Variants in EFCAB7 observed in about 807,000 individuals in gnomAD.
The protein encoded by EFCAB7 is EF-hand calcium binding domain 7, also known as EF-hand calcium-binding domain-containing protein 7.
A neutral mutation model predicts 77.1 loss-of-function variants in EFCAB7; 66 were observed. The ratio of observed to expected loss-of-function variants is 0.86; its 90% CI spans 0.70 to 1.05. The LOEUF (loss-of-function observed/expected upper bound fraction) is 1.05. EFCAB7 is among the 50% of genes least tolerant of loss of function. The pLI, the probability that EFCAB7 is intolerant of heterozygous loss-of-function variation, is 0.00. For missense variants in EFCAB7, 638 were observed against 730.5 expected, an observed-to-expected ratio of 0.87 and a Z score of 1.46; for synonymous variants, 225 against 243.3, an observed-to-expected ratio of 0.92 and a Z score of 0.70.
chr1:63,552,736 A>G (rs1232104974), intron 8 of EFCAB7, among the ~76,000 whole-genome samples: 1 of 152,204 alleles, frequency 6.6e-6, no homozygotes, highest in East Asian at 1.9e-4. Flanking sequence ...TTACTACAGT[A>G]TCATATTTAA....
At chr1:63,568,121 T>C (rs577516880) in intron 11 of EFCAB7, among the ~76,000 whole-genome samples, 189 bp from the exon 12 acceptor site, 1 of 152,308 alleles carries the variant, frequency 6.6e-6, no homozygotes, top group Non-Finnish European at 1.5e-5. Context: ...CATTATCAGT[T>C]AATATGCTAC....
intron 7 of EFCAB7, chr1:63,549,366 T>G (rs748232350): frequency 1.1e-4 from 54 of 470,536 alleles, no homozygotes; most frequent in African/African-American, 1.0e-3. Context: ...AATTCTGCTT[T>G]TACCAAGGTT....
rs1308805482 is a variant in EFCAB7, at chr1:63,560,851, AC to A, written c.1349-856del. 2.6e-5 allele frequency among the ~76,000 whole-genome samples: 4 copies of A among 152,206 alleles called. No individual in the cohort carries two copies. In the East Asian group the frequency reaches 5.8e-4, roughly 22 times the overall value. ...AATGTTTTAAGCTATTAATCAGTCA[AC>A]CGGTTTTACACAGTTATGTCTCTGC... On this transcript the variant is annotated intron_variant, in intron 10 of 13. Coordinates refer to ENST00000371088, the MANE Select transcript of EFCAB7 (RefSeq NM_032437.4).
chr1:63,531,154 C>A (rs1295659266), intron 2 of EFCAB7, among the ~76,000 whole-genome samples: 1 of 152,110 alleles, frequency 6.6e-6, no homozygotes, highest in Non-Finnish European at 1.5e-5. Flanking sequence ...TCCCCATCCT[C>A]CCCTACCCCC....
rs367692666 is a variant in EFCAB7 at position 63,561,825 on chromosome 1, A to G, written c.1465A>G (p.Met489Val). 7.5e-6 allele frequency: 12 copies of G among 1,595,344 alleles called. No individual in the cohort carries two copies. In the African/African-American group the frequency reaches 1.1e-4, roughly 14 times the overall value. ...PCDLWVTLHS[M>V]GYNKALELTE... ...TGACCTTTGGGTAACTCTACACTCTATGGGCTACAATAAAGCTCTGGAGTT... is the reference window on the plus strand; with the variant it reads ...TGACCTTTGGGTAACTCTACACTCTGTGGGCTACAATAAAGCTCTGGAGTT... The change falls in exon 11 of 14, where the codon ATG becomes GTG. Residue 489 changes from methionine (M) to valine (V), a missense_variant. Physicochemically the swap from Met to Val is conservative, Grantham distance 21. Transcript: ENST00000371088.
In EFCAB7 at chr1:63,571,029, G is replaced by A. The variant is rs1570447269; in HGVS notation, c.1716G>A (p.Glu572=). 7.5e-6 allele frequency: 12 copies of A among 1,603,438 alleles called. No homozygotes were observed. Among genetic ancestry groups the A allele is most frequent in the East Asian group, 6.7e-5 (3 of 44,646 alleles). The change falls in exon 13 of 14, where the codon GAG becomes GAA. Residue 572 remains glutamate (E), a synonymous_variant. Transcript: ENST00000371088. ...ITSVIENKSD[E]KVIIHISNEL... is the part of the protein sequence containing the mutation. ...AAATCTTTTTTTAATAGTCAGATGAGAAAGTGATTATTCACATCAGCAATG... is the reference window on the plus strand; with the variant it reads ...AAATCTTTTTTTAATAGTCAGATGAAAAAGTGATTATTCACATCAGCAATG...
rs148559334 is a variant in EFCAB7, at chr1:63,528,213, G to A, written c.187+2454G>A. On this transcript the variant is annotated intron_variant, in intron 2 of 13. Transcript: ENST00000371088. ...AGATGAATGGATAAAAATAAAAAAA[G>A]TGGTACATATACACAGTGGAGTACC... is the stretch of plus-strand genomic sequence containing the variant. Among the ~76,000 whole-genome samples the A allele has an allele frequency of 2.4e-3, 369 of 152,278 alleles. 3 individuals carry two copies. The highest frequency in any genetic ancestry group is 6.8e-3 in the Middle Eastern group (2 of 294).
intron 7 of EFCAB7, among the ~76,000 whole-genome samples, chr1:63,551,315 G>A (rs573035748): frequency 4.5e-4 from 69 of 152,264 alleles, no homozygotes; most frequent in East Asian, 4.3e-3. Flanking sequence ...AATATGGGCC[G>A]GGTGTGGTGG....
At chr1:63,525,532 C>G (rs776949556) in intron 1 of EFCAB7, 40 bp from the exon 2 acceptor site, 13 of 1,397,942 alleles carry the variant, frequency 9.3e-6, no homozygotes, top group Non-Finnish European at 1.2e-5. Flanking sequence ...GTTTTAGTGA[C>G]TCACATTGAC....
chr1:63,559,000 G>A (rs1418717577), intron 10 of EFCAB7, among the ~76,000 whole-genome samples: 1 of 149,748 alleles, frequency 6.7e-6, no homozygotes, highest in Non-Finnish European at 1.5e-5. Flanking sequence ...CTGGACAACA[G>A]AGCAAATTGT....
chr1:63,576,476 C>T (rs1428305294), downstream of EFCAB7, among the ~76,000 whole-genome samples: 1 of 150,892 alleles, frequency 6.6e-6, no homozygotes, highest in East Asian at 2.0e-4. Context: ...GTGAGACTGT[C>T]TCAAAAACAA....
intron 11 of EFCAB7, among the ~76,000 whole-genome samples, chr1:63,563,378 G>A (rs1414589232): frequency 1.3e-5 from 2 of 152,196 alleles, no homozygotes; most frequent in African/African-American, 4.8e-5. Context: ...AAAAGACAAA[G>A]CTGAATTGAT....
chr1:63,561,305 A>C (rs1288022494), intron 10 of EFCAB7, among the ~76,000 whole-genome samples: 1 of 152,220 alleles, frequency 6.6e-6, no homozygotes, highest in African/African-American at 2.4e-5. Context: ...GTATTATATC[A>C]AATTCATCCA....
At position 63,526,088 on chromosome 1, in the gene EFCAB7, C is replaced by A. The variant is rs140852401; in HGVS notation, c.187+329C>A. 1.8e-3 allele frequency among the ~76,000 whole-genome samples: 268 copies of A among 152,156 alleles called. 1 individual carries two copies. The highest frequency in any genetic ancestry group is 6.3e-3 in the African/African-American group (262 of 41,498). On this transcript the variant is annotated intron_variant, in intron 2 of 13. Transcript: ENST00000371088. ...CGCTTTTGGCCTCTTAAGTCACTAGCCTGAATTTGACCCATACTGAGGAAA... is the reference window on the plus strand; with the variant it reads ...CGCTTTTGGCCTCTTAAGTCACTAGACTGAATTTGACCCATACTGAGGAAA...
intron 8 of EFCAB7, among the ~76,000 whole-genome samples, chr1:63,554,162 G>A (rs1292975716): frequency 6.6e-6 from 1 of 152,136 alleles, no homozygotes; most frequent in Non-Finnish European, 1.5e-5. Context: ...GACATAATAC[G>A]TGAAAGGATT....
At chr1:63,575,053 GT>G (rs1647371021), downstream of EFCAB7, among the ~76,000 whole-genome samples, 1 of 151,990 alleles carries the variant, frequency 6.6e-6, no homozygotes, top group East Asian at 1.9e-4. Context: ...TTACTATTCA[GT>G]TCTGTTTACC....
At chr1:63,536,222 A>G (rs1295516505) in intron 6 of EFCAB7, among the ~76,000 whole-genome samples, 4 of 152,150 alleles carry the variant, frequency 2.6e-5, no homozygotes, top group Non-Finnish European at 2.9e-5. Flanking sequence ...ATAGCTCTGT[A>G]TATCTTACCT....
rs1646703273 is a variant in EFCAB7 at position 63,532,006 on chromosome 1, C to T, written c.374C>T (p.Thr125Ile). Residue 125 changes from threonine (T) to isoleucine (I), a missense_variant, in exon 3 of 14, where the codon ACT becomes ATT. By Grantham distance (89) the Thr-to-Ile change is moderately conservative. Coordinates refer to ENST00000371088, the MANE Select transcript of EFCAB7 (RefSeq NM_032437.4). ...DVNDDGCILH[T>I]DLYKFLTKRG... is the part of the protein sequence containing the mutation. ...AATGATGATGGCTGTATTTTACACA[C>T]TGACCTTTATAAATTTCTAACAAAG... 6.2e-7 allele frequency: 1 copy of T among 1,609,798 alleles called. No homozygotes were observed. The highest frequency in any genetic ancestry group is 1.1e-5 in the South Asian group (1 of 90,410).
intron 12 of EFCAB7, 147 bp from the exon 13 acceptor site, chr1:63,570,874 A>C (rs1361488914): frequency 4.4e-6 from 2 of 450,716 alleles, no homozygotes; most frequent in Non-Finnish European, 7.9e-6. Flanking sequence ...AGAAAAAGTA[A>C]CAAAGTTGAA....
Sources: gnomAD v4.1 joint callset for allele counts (sites outside exome capture counted in the v4.1 genomes callset) on GRCh38, gnomAD v4.1.1 for gene constraint, MANE v1.5 for transcripts, NCBI Gene and HGNC (gene_info 2026-07-23, HGNC 2026-07-21) for gene names.